The following TRIM65 variants were observed in gnomAD, a reference collection of about 807,000 sequenced individuals.
TRIM65 encodes the protein E3 ubiquitin-protein ligase TRIM65.
Under a neutral mutation model 36.1 loss-of-function variants are expected in TRIM65, and 46 were observed. The observed-to-expected ratio is 1.27, with a 90% CI of 1.01 to 1.63. The LOEUF is 1.63. Among genes scored for constraint, TRIM65 ranks in the 40% most tolerant of loss-of-function variants. The pLI is 0.00. For missense variants in TRIM65, 708 were observed against 696.6 expected, an observed-to-expected ratio of 1.02 and a Z score of -0.18; for synonymous variants, 346 against 313.6, an observed-to-expected ratio of 1.10 and a Z score of -1.09.
downstream of TRIM65, among the ~76,000 whole-genome samples, chr17:75,887,304 T>G (rs1414674825): frequency 1.3e-5 from 2 of 150,418 alleles, no homozygotes; most frequent in African/African-American, 2.5e-5. Context: ...GCCAAACTGG[T>G]GAAACCATGA....
At chr17:75,891,679 G>A in intron 5 of TRIM65, 134 bp downstream of exon 5, 1 of 1,185,700 alleles carries the variant, frequency 8.4e-7, no homozygotes, top group Non-Finnish European at 1.2e-6. Context: ...TGTCCCGGCA[G>A]GACAGTCAAA....
chr17:75,886,721 C>T (rs1301431452), downstream of TRIM65, among the ~76,000 whole-genome samples: 1 of 152,006 alleles, frequency 6.6e-6, no homozygotes, highest in Non-Finnish European at 1.5e-5. Context: ...TGACCATCCA[C>T]CTGATTGTGC....
chr17:75,880,057 T>C (rs1265034474), downstream of TRIM65, among the ~76,000 whole-genome samples: 1 of 150,520 alleles, frequency 6.6e-6, no homozygotes, highest in African/African-American at 2.5e-5. Flanking sequence ...CCCAGAGATA[T>C]CTGTAATTTT....
At chr17:75,896,344 T>G (rs1430624851) in intron 1 of TRIM65, among the ~76,000 whole-genome samples, 180 bp downstream of exon 1, 1 of 152,178 alleles carries the variant, frequency 6.6e-6, no homozygotes, top group East Asian at 1.9e-4. Flanking sequence ...CGTGAGCCAC[T>G]GCGCCTGGCA....
chr17:75,890,759 G>A lies in TRIM65; in HGVS notation c.*20C>T, dbSNP rs1181208335. On this transcript the variant is annotated 3_prime_UTR_variant, in exon 6 of 6. Transcript: ENST00000269383. Reference sequence around the variant, plus strand: ...ATAGGCATGGTGGCAGCTATGCCAGGGCTCCATCCCATGCCTTCTTCAGCT... The same window carrying A: ...ATAGGCATGGTGGCAGCTATGCCAGAGCTCCATCCCATGCCTTCTTCAGCT... The A allele has an allele frequency of 2.4e-5, 34 of 1,441,490 alleles. No homozygotes were observed. The highest frequency in any genetic ancestry group is 2.8e-5 in the Non-Finnish European group (31 of 1,097,706). The allele number at this position is 1,441,490 out of a possible 1,614,324, so 89.3% of individuals were successfully genotyped here.
At chr17:75,894,676 C>T (rs1360148288) in intron 1 of TRIM65, among the ~76,000 whole-genome samples, 2 of 152,254 alleles carry the variant, frequency 1.3e-5, no homozygotes, top group African/African-American at 4.8e-5. Flanking sequence ...ACTACAGGCG[C>T]CCGCCACCAG....
rs1225566105 is a variant in TRIM65, at chr17:75,890,955, C to T, written c.1378G>A (p.Gly460Ser). 1 of 1,559,546 alleles carries T rather than the reference C, an allele frequency of 6.4e-7. No individual in the cohort carries two copies. Among genetic ancestry groups the T allele is most frequent in the Non-Finnish European group, 8.7e-7 (1 of 1,152,028 alleles). ...LLGMDLDLASGCLTFYSLEPQ... is the reference protein window; with the variant it reads ...LLGMDLDLASSCLTFYSLEPQ... ...TCCAGGCTGTAGAAGGTGAGGCAGC[C>T]TGAGGCCAGGTCCAAATCCATGCCC... The change falls in exon 6 of 6, where the codon GGC becomes AGC. Residue 460 changes from glycine to serine, a missense_variant. Gly to Ser is a moderately conservative substitution (Grantham distance 56, BLOSUM62 0). Coordinates refer to ENST00000269383, the MANE Select transcript of TRIM65 (RefSeq NM_173547.4).
At chr17:75,891,916 G>A (rs1488789970) in intron 4 of TRIM65, 38 bp from the exon 5 acceptor site, 1 of 1,589,072 alleles carries the variant, frequency 6.3e-7, no homozygotes, top group African/African-American at 1.3e-5. Flanking sequence ...TGGTTGGAGA[G>A]GTCACGATGT....
In TRIM65 at chr17:75,896,649, G is replaced by A. The variant is rs770946179; in HGVS notation, c.289C>T (p.Arg97Cys). 2.9e-5 allele frequency: 36 copies of A among 1,240,994 alleles called. No homozygotes were observed. In the Admixed American group the frequency reaches 1.1e-3, roughly 38 times the overall value. 76.9% of individuals were successfully genotyped at this position (1,240,994 alleles called of 1,614,324 possible). ...AAGAGCTCCAGCGGCCGCCCGTGGC[G>A]GGGGCAGCGCGCGGCAGGGTCGGGG... ...PGPDPAARCP[R>C]HGRPLELFCR... Residue 97 changes from arginine (R) to cysteine (C), a missense_variant, in exon 1 of 6, where the codon CGC becomes TGC. Transcript: ENST00000269383.
At position 75,891,043 on chromosome 17, in the gene TRIM65, G is replaced by A; in HGVS notation, c.1290C>T (p.Asp430=). 1 of 1,612,342 alleles carries A rather than the reference G, an allele frequency of 6.2e-7. No homozygotes were observed. The highest frequency in any genetic ancestry group is 8.5e-7 in the Non-Finnish European group (1 of 1,179,484). Residue 430 remains aspartate (D), a synonymous_variant, in exon 6 of 6, where the codon GAC becomes GAT. Coordinates refer to ENST00000269383, the MANE Select transcript of TRIM65 (RefSeq NM_173547.4). ...PCSWGLCVQE[D]SLQAWHNGEA... ...CCCCGTTGTGCCAGGCCTGGAGGCT[G>A]TCCTCCTGGACGCAGAGCCCCCAGG...
downstream of TRIM65, among the ~76,000 whole-genome samples, chr17:75,888,164 T>TATATATAA (rs1555609125): frequency 2.9e-3 from 392 of 137,056 alleles, 2 homozygotes; most frequent in African/African-American, 0.01. Context: ...TCAAAAAATA[T>TATATATAA]ATAAATAAAT....
At chr17:75,895,551 C>T (rs1010841022) in intron 1 of TRIM65, among the ~76,000 whole-genome samples, 1 of 152,206 alleles carries the variant, frequency 6.6e-6, no homozygotes, top group Non-Finnish European at 1.5e-5. Flanking sequence ...CTTTCCCATC[C>T]CAGAGACGGG....
At chr17:75,886,703 T>C (rs555859674), downstream of TRIM65, among the ~76,000 whole-genome samples, 74 of 152,074 alleles carry the variant, frequency 4.9e-4, no homozygotes, top group African/African-American at 1.7e-3. Flanking sequence ...CCTTGTTCTG[T>C]CTCTGGGTGA....
At chr17:75,888,160 AATAT>A (rs543946610), downstream of TRIM65, among the ~76,000 whole-genome samples, 4 of 134,132 alleles carry the variant, frequency 3.0e-5, no homozygotes, top group African/African-American at 6.2e-5. Context: ...TGTCTCAAAA[AATAT>A]ATAAATAAAT....
intron 1 of TRIM65, among the ~76,000 whole-genome samples, chr17:75,894,196 C>T (rs79127713): frequency 0.021 from 3,144 of 152,242 alleles, 108 homozygotes; most frequent in African/African-American, 0.068. Flanking sequence ...GCCGTGCACT[C>T]TCCCATCCCT....
Position 75,891,132 on chromosome 17 carries a change from A to G in TRIM65, c.1201T>C (p.Tyr401His). ...SDHSVTLGVS[Y>H]PQLPRCRLGP... ...AGCCTGCACCGTGGCAGTTGCGGGT[A>G]GGAGACGCCCAGTGTCACCGAGTGG... Residue 401 changes from tyrosine to histidine, a missense_variant, in exon 6 of 6, where the codon TAC (tyrosine) becomes CAC (histidine). Transcript: ENST00000269383. The G allele has an allele frequency of 6.2e-7, 1 of 1,608,500 alleles. No individual in the cohort carries two copies. Among genetic ancestry groups the G allele is most frequent in the South Asian group, 1.1e-5 (1 of 91,088 alleles).
chr17:75,885,868 C>T (rs1323080447), downstream of TRIM65, among the ~76,000 whole-genome samples: 3 of 152,300 alleles, frequency 2.0e-5, no homozygotes, highest in East Asian at 5.8e-4. Flanking sequence ...CAGTTCCAGG[C>T]AGCGTCCTGC....
At chr17:75,887,637 A>G (rs1307780177), downstream of TRIM65, among the ~76,000 whole-genome samples, 3 of 135,470 alleles carry the variant, frequency 2.2e-5, no homozygotes, top group African/African-American at 8.9e-5. Flanking sequence ...ACAGAGTGAG[A>G]CTCCGTCTCA....
At chr17:75,885,372 G>T (rs2065199526), downstream of TRIM65, among the ~76,000 whole-genome samples, 1 of 152,174 alleles carries the variant, frequency 6.6e-6, no homozygotes, top group African/African-American at 2.4e-5. Flanking sequence ...AACATCCTGG[G>T]CTCCAGCAAT....
Sources: gnomAD v4.1 joint callset for allele counts (sites outside exome capture counted in the v4.1 genomes callset) on GRCh38, gnomAD v4.1.1 for gene constraint, MANE v1.5 for transcripts, NCBI Gene and HGNC (gene_info 2026-07-23, HGNC 2026-07-21) for gene names.